GARIN1A: variants seen among roughly 807,000 people sequenced by gnomAD.
GARIN1A encodes the protein golgi associated RAB2 interactor 1A, also known as Golgi-associated RAB2 interactor protein 1A.
chr7:128,671,756 A>G, the GARIN1A span, among the ~76,000 whole-genome samples: 1 of 152,040 alleles, frequency 6.6e-6, no homozygotes, highest in African/African-American at 2.4e-5. Flanking sequence ...TGGCTCCAGC[A>G]TACAACTGTG....
chr7:128,696,831 A>C, the GARIN1A span, among the ~76,000 whole-genome samples: 6 of 152,212 alleles, frequency 3.9e-5, no homozygotes, highest in Non-Finnish European at 7.3e-5. Context: ...AGCCCTACAG[A>C]GAATAAATAA....
the GARIN1A span, chr7:128,672,309 T>G: frequency 6.3e-5 from 71 of 1,120,770 alleles, no homozygotes; most frequent in African/African-American, 9.8e-4. Flanking sequence ...GCTGGGGAGG[T>G]GGGGGCAGAT....
the GARIN1A span, chr7:128,680,259 T>C: frequency 9.4e-6 from 5 of 532,256 alleles, no homozygotes; most frequent in South Asian, 1.5e-4. Flanking sequence ...TAGATAGTCA[T>C]GCACATGGCT....
the GARIN1A span, among the ~76,000 whole-genome samples, chr7:128,681,490 G>A: frequency 1.1e-5 from 1 of 93,392 alleles, no homozygotes; most frequent in Non-Finnish European, 2.0e-5. Flanking sequence ...CCTTTCCTCT[G>A]CTCTCCTCTC....
chr7:128,684,077 T>A, the GARIN1A span: 2 of 152,132 alleles, frequency 1.3e-5, no homozygotes, highest in African/African-American at 4.8e-5. Flanking sequence ...AACATGAGAT[T>A]TGGGCAGGGA....
the GARIN1A span, among the ~76,000 whole-genome samples, chr7:128,682,289 C>T: frequency 3.3e-5 from 5 of 152,182 alleles, no homozygotes; most frequent in African/African-American, 4.8e-5. Flanking sequence ...AGCTCACTCT[C>T]ACTTCTCTGA....
chr7:128,691,822 C>T, the GARIN1A span: 1 of 152,412 alleles, frequency 6.6e-6, no homozygotes, highest in African/African-American at 2.4e-5. Flanking sequence ...GTGGTGGCTT[C>T]CTCTACTAGA....
the GARIN1A span, among the ~76,000 whole-genome samples, chr7:128,688,780 C>T: frequency 2.6e-5 from 1 of 38,852 alleles, no homozygotes; most frequent in Non-Finnish European, 5.7e-5. Context: ...TCCCCTCCCC[C>T]TCCCCCTCCC....
the GARIN1A span, chr7:128,683,649 G>A: frequency 6.6e-6 from 1 of 152,200 alleles, no homozygotes; most frequent in African/African-American, 2.4e-5. Flanking sequence ...TTATATTTTA[G>A]TAGAGATGGG....
At chr7:128,684,577 T>C in the GARIN1A span, 1 of 134,088 alleles carries the variant, frequency 7.5e-6, no homozygotes, top group African/African-American at 2.9e-5. Context: ...ATCATGCCAC[T>C]GTGCTCCAGC....
At chr7:128,679,161 C>A in the GARIN1A span, among the ~76,000 whole-genome samples, 1 of 150,990 alleles carries the variant, frequency 6.6e-6, no homozygotes, top group African/African-American at 2.4e-5. Context: ...TTTCTATTGG[C>A]AATCTTGTGT....
the GARIN1A span, chr7:128,687,749 T>G: frequency 6.6e-6 from 1 of 152,210 alleles, no homozygotes; most frequent in East Asian, 1.9e-4. Flanking sequence ...TACTGAGCCC[T>G]TCACCATGGG....
the GARIN1A span, chr7:128,672,636 A>T: frequency 3.7e-6 from 1 of 269,746 alleles, no homozygotes; most frequent in Non-Finnish European, 6.6e-6. Flanking sequence ...GTGGCCTTTT[A>T]AAGCCCTGGG....
chr7:128,678,096 C>T, the GARIN1A span: 1 of 208,010 alleles, frequency 4.8e-6, no homozygotes, highest in East Asian at 1.3e-4. Flanking sequence ...TCTCGGCTCA[C>T]TGCAGCTTCC....
chr7:128,679,093 A>T, the GARIN1A span, among the ~76,000 whole-genome samples: 1 of 149,376 alleles, frequency 6.7e-6, no homozygotes, highest in South Asian at 2.1e-4. Context: ...GATTGTTTTT[A>T]TATATATATA....
At chr7:128,675,921 T>C in the GARIN1A span, 1 of 1,221,476 alleles carries the variant, frequency 8.2e-7, no homozygotes, top group Non-Finnish European at 1.2e-6. Context: ...CATTGCTTTG[T>C]AGCTGGATTT....
the GARIN1A span, among the ~76,000 whole-genome samples, chr7:128,674,550 A>G: frequency 6.6e-6 from 1 of 152,206 alleles, no homozygotes; most frequent in Non-Finnish European, 1.5e-5. Flanking sequence ...TCAAAGCAGC[A>G]TTACCCACAA....
At chr7:128,677,581 A>G in the GARIN1A span, 1 of 1,609,706 alleles carries the variant, frequency 6.2e-7, no homozygotes. Context: ...CCCCTGAAGT[A>G]CGTGGAGCTA....
At chr7:128,693,693 G>C in the GARIN1A span, 1 of 152,508 alleles carries the variant, frequency 6.6e-6, no homozygotes, top group Admixed American at 6.5e-5. Context: ...TCAGGGCTTT[G>C]TCCAGGCCTT....
Sources: gnomAD v4.1 joint callset for allele counts (sites outside exome capture counted in the v4.1 genomes callset) on GRCh38, gnomAD v4.1.1 for gene constraint, MANE v1.5 for transcripts, NCBI Gene and HGNC (gene_info 2026-07-23, HGNC 2026-07-21) for gene names.